The following CTNNA2 variants were observed in gnomAD, a reference collection of about 807,000 sequenced individuals.
CTNNA2 encodes catenin alpha-2.
CTNNA2 carries 42 observed loss-of-function variants against 101.0 expected under a neutral mutation model. The observed-to-expected ratio is 0.42, with a 90% CI of 0.32 to 0.54. The LOEUF (loss-of-function observed/expected upper bound fraction) is 0.54. Among genes scored for constraint, CTNNA2 ranks in the 20% least tolerant of loss-of-function variants. CTNNA2 has a pLI of 0.14. For missense variants in CTNNA2, 871 were observed against 1,223.1 expected (o/e 0.71, Z 4.29); for synonymous variants, 450 against 456.4 (o/e 0.99, Z 0.18).
chr2:80,033,489 C>T (rs955826606), intron 7 of CTNNA2, among the ~76,000 whole-genome samples: 1 of 151,988 alleles, frequency 6.6e-6, no homozygotes, highest in Admixed American at 6.6e-5. Flanking sequence ...GTGGGAGGAT[C>T]AATGAAGCCC....
chr2:80,033,972 T>TAAAAAAAAAAAAAAAAAAAAAAATAA, intron 7 of CTNNA2, among the ~76,000 whole-genome samples: 1 of 84,246 alleles, frequency 1.2e-5, no homozygotes, highest in Non-Finnish European at 2.2e-5. Context: ...GCTTATAATG[T>TAAAAAAAAAAAAAAAAAAAAAAATAA]AAAAAAAAAA....
intron 7 of CTNNA2, among the ~76,000 whole-genome samples, chr2:80,051,584 A>G (rs1311419589): frequency 6.6e-6 from 1 of 152,212 alleles, no homozygotes; most frequent in Non-Finnish European, 1.5e-5. Context: ...TTGCAAGGGA[A>G]TAACAGGCTG....
At chr2:80,285,634 G>A (rs568586926) in intron 7 of CTNNA2, among the ~76,000 whole-genome samples, 5 of 152,234 alleles carry the variant, frequency 3.3e-5, no homozygotes, top group Non-Finnish European at 7.4e-5. Flanking sequence ...GAGCCCACTG[G>A]ATAAATAGAT....
intron 7 of CTNNA2, among the ~76,000 whole-genome samples, chr2:80,066,190 T>C (rs1443130571): frequency 6.6e-6 from 1 of 152,184 alleles, no homozygotes; most frequent in Non-Finnish European, 1.5e-5. Flanking sequence ...CAGAAGCATT[T>C]TAGTGTGATG....
At chr2:80,445,277 G>C (rs1006205146) in intron 9 of CTNNA2, among the ~76,000 whole-genome samples, 1 of 151,938 alleles carries the variant, frequency 6.6e-6, no homozygotes. Flanking sequence ...GACCTCCCAG[G>C]CTCAAGCGAT....
chr2:80,477,309 T>C (rs2149493907), intron 9 of CTNNA2, among the ~76,000 whole-genome samples: 1 of 152,324 alleles, frequency 6.6e-6, no homozygotes, highest in African/African-American at 2.4e-5. Flanking sequence ...ACTGATTGCT[T>C]TCTAGTCTGT....
At chr2:79,969,798 G>A (rs1427150974) in intron 7 of CTNNA2, among the ~76,000 whole-genome samples, 13 of 152,048 alleles carry the variant, frequency 8.5e-5, no homozygotes, top group African/African-American at 1.9e-4. Flanking sequence ...CAATTAAATC[G>A]GAAACACTTT....
chr2:79,606,224 A>G (rs1258158751), intron 1 of CTNNA2, among the ~76,000 whole-genome samples: 2 of 152,156 alleles, frequency 1.3e-5, no homozygotes, highest in African/African-American at 4.8e-5. Flanking sequence ...ATAAGAGTAA[A>G]TAGGTAAGAA....
At chr2:79,454,546 C>A (rs548247784) in intron 4 of CTNNA2, among the ~76,000 whole-genome samples, 1 of 152,280 alleles carries the variant, frequency 6.6e-6, no homozygotes, top group South Asian at 2.1e-4. Context: ...ATGGAAATAA[C>A]CCTGCTCTGG....
intron 2 of CTNNA2, among the ~76,000 whole-genome samples, chr2:79,683,399 C>A (rs1229336169): frequency 6.6e-6 from 1 of 152,172 alleles, no homozygotes; most frequent in African/African-American, 2.4e-5. Flanking sequence ...CTCAATTTCC[C>A]TGAAGAAGTC....
chr2:80,350,330 A>T (rs1245316894), intron 7 of CTNNA2, among the ~76,000 whole-genome samples: 1 of 152,202 alleles, frequency 6.6e-6, no homozygotes, highest in Non-Finnish European at 1.5e-5. Flanking sequence ...TTATTGTAGC[A>T]TTCTTATTCT....
intron 9 of CTNNA2, among the ~76,000 whole-genome samples, chr2:80,519,691 T>C (rs980107325): frequency 2.6e-5 from 4 of 152,202 alleles, no homozygotes; most frequent in African/African-American, 9.7e-5. Context: ...GACTTTTCTG[T>C]TTGGTAATAT....
intron 9 of CTNNA2, among the ~76,000 whole-genome samples, chr2:80,523,157 A>G (rs1440018850): frequency 2.0e-5 from 3 of 152,202 alleles, no homozygotes; most frequent in Admixed American, 6.5e-5. Context: ...CCTGTGTATT[A>G]GAGGAAAACA....
intron 9 of CTNNA2, among the ~76,000 whole-genome samples, chr2:80,465,621 G>A (rs1187646194): frequency 6.6e-6 from 1 of 152,086 alleles, no homozygotes; most frequent in African/African-American, 2.4e-5. Context: ...CCATCAAGAA[G>A]GCCAATTCTA....
At chr2:79,569,580 T>C (rs1675334745) in intron 1 of CTNNA2, among the ~76,000 whole-genome samples, 1 of 152,186 alleles carries the variant, frequency 6.6e-6, no homozygotes. Context: ...TCACAGGTGC[T>C]AGTAGGATCT....
intron 11 of CTNNA2, among the ~76,000 whole-genome samples, chr2:80,547,726 G>A (rs1469054709): frequency 9.8e-6 from 1 of 102,048 alleles, no homozygotes; most frequent in East Asian, 2.8e-4. Context: ...TTTCACTCTT[G>A]TTGCCCAGGC....
chr2:79,975,184 G>A (rs1026225379), intron 7 of CTNNA2, among the ~76,000 whole-genome samples: 3 of 152,166 alleles, frequency 2.0e-5, no homozygotes, highest in Non-Finnish European at 2.9e-5. Flanking sequence ...TTGAGTTAGA[G>A]GCAGACTCTG....
intron 4 of CTNNA2, among the ~76,000 whole-genome samples, chr2:79,396,997 CAG>C (rs1412456833): frequency 1.3e-5 from 2 of 152,092 alleles, no homozygotes; most frequent in Non-Finnish European, 2.9e-5. Flanking sequence ...GACTCACTCC[CAG>C]ATTTCTGATC....
chr2:80,232,459 C>G (rs369289347), intron 7 of CTNNA2, among the ~76,000 whole-genome samples: 11 of 148,864 alleles, frequency 7.4e-5, no homozygotes, highest in African/African-American at 2.7e-4. Context: ...TTCTTCATCT[C>G]CCATACCCAG....
Sources: gnomAD v4.1 joint callset for allele counts (sites outside exome capture counted in the v4.1 genomes callset) on GRCh38, gnomAD v4.1.1 for gene constraint, MANE v1.5 for transcripts, NCBI Gene and HGNC (gene_info 2026-07-23, HGNC 2026-07-21) for gene names.